Variants in SCARA3 observed in about 807,000 individuals in gnomAD.
The protein encoded by SCARA3 is cellular stress response gene protein.
In SCARA3, 39 loss-of-function variants were observed where a neutral mutation model predicts 47.0. The observed-to-expected ratio is 0.83, with a 90% CI of 0.64 to 1.08. The LOEUF is 1.08. Ranked by LOEUF, SCARA3 falls within the 50% of genes least tolerant of loss-of-function variation. SCARA3 has a pLI of 0.00. For missense variants in SCARA3, 724 were observed against 792.3 expected (o/e 0.91, Z 1.04); for synonymous variants, 356 against 334.1 (o/e 1.07, Z -0.71).
the SCARA3 span, among the ~76,000 whole-genome samples, chr8:27,686,854 C>T: frequency 6.6e-5 from 10 of 152,134 alleles, no homozygotes; most frequent in African/African-American, 1.7e-4. Context: ...CGTAGGTAAA[C>T]GTGTGCCATG....
At chr8:27,640,419 C>T (rs1801357782) in intron 1 of SCARA3, among the ~76,000 whole-genome samples, 1 of 152,114 alleles carries the variant, frequency 6.6e-6, no homozygotes, top group Non-Finnish European at 1.5e-5. Flanking sequence ...CATAGTCTCA[C>T]TCTGTGCCCA....
chr8:27,682,153 A>G, the SCARA3 span, among the ~76,000 whole-genome samples: 1 of 152,210 alleles, frequency 6.6e-6, no homozygotes, highest in Non-Finnish European at 1.5e-5. Context: ...GCATTTTTAC[A>G]AAGGCACCAG....
At chr8:27,717,288 G>T in the SCARA3 span, among the ~76,000 whole-genome samples, 12 of 152,246 alleles carry the variant, frequency 7.9e-5, no homozygotes, top group South Asian at 2.5e-3. Context: ...ACAGATGTGG[G>T]TATAGCTATA....
At chr8:27,686,488 G>A in the SCARA3 span, among the ~76,000 whole-genome samples, 1 of 151,874 alleles carries the variant, frequency 6.6e-6, no homozygotes, top group African/African-American at 2.4e-5. Flanking sequence ...AAACTTTAAA[G>A]ACAAAAAATA....
At chr8:27,666,596 G>C (rs1802019918) in intron 5 of SCARA3, among the ~76,000 whole-genome samples, 1 of 152,198 alleles carries the variant, frequency 6.6e-6, no homozygotes, top group Non-Finnish European at 1.5e-5. Flanking sequence ...ATGACAGCTG[G>C]GTCTCAAACA....
At chr8:27,670,558 G>A (rs575840442) in intron 5 of SCARA3, among the ~76,000 whole-genome samples, 2 of 152,310 alleles carry the variant, frequency 1.3e-5, no homozygotes, top group East Asian at 3.9e-4. Flanking sequence ...TGGGGTGGGG[G>A]TGAATACAGT....
intron 5 of SCARA3, among the ~76,000 whole-genome samples, chr8:27,667,492 G>A (rs1353428444): frequency 6.6e-6 from 1 of 152,238 alleles, no homozygotes; most frequent in African/African-American, 2.4e-5. Flanking sequence ...AGTGGCACAG[G>A]AGCCAAGGTA....
At chr8:27,660,442 G>T (rs1801871172) in intron 5 of SCARA3, among the ~76,000 whole-genome samples, 1 of 151,870 alleles carries the variant, frequency 6.6e-6, no homozygotes, top group Non-Finnish European at 1.5e-5. Flanking sequence ...TTGATCCAGA[G>T]AAACAGAATC....
downstream of SCARA3, among the ~76,000 whole-genome samples, chr8:27,678,553 A>G (rs1223246895): frequency 6.6e-6 from 1 of 152,202 alleles, no homozygotes; most frequent in Non-Finnish European, 1.5e-5. Flanking sequence ...AAGCCTTCCC[A>G]CAAAACAACT....
At chr8:27,717,745 A>G in the SCARA3 span, among the ~76,000 whole-genome samples, 6 of 152,162 alleles carry the variant, frequency 3.9e-5, no homozygotes, top group African/African-American at 1.4e-4. Flanking sequence ...AGATCGCACC[A>G]CTGCACTCCA....
At chr8:27,716,994 T>C in the SCARA3 span, among the ~76,000 whole-genome samples, 2 of 152,128 alleles carry the variant, frequency 1.3e-5, no homozygotes, top group Non-Finnish European at 2.9e-5. Flanking sequence ...CAGAAAATAG[T>C]GCAAGAATCT....
At chr8:27,655,801 G>T (rs1006003018) in intron 3 of SCARA3, among the ~76,000 whole-genome samples, 10 of 152,166 alleles carry the variant, frequency 6.6e-5, no homozygotes, top group African/African-American at 2.4e-4. Flanking sequence ...AGAGTGCCAT[G>T]CAGATACCAA....
chr8:27,647,032 T>C (rs1375340087), intron 1 of SCARA3, among the ~76,000 whole-genome samples: 1 of 124,228 alleles, frequency 8.0e-6, no homozygotes, highest in African/African-American at 3.1e-5. Flanking sequence ...GAATCTCCTA[T>C]TGTGGAGAGG....
chr8:27,692,720 C>T, the SCARA3 span, among the ~76,000 whole-genome samples: 1 of 152,130 alleles, frequency 6.6e-6, no homozygotes, highest in South Asian at 2.1e-4. Context: ...TGCCTGGAAG[C>T]TTCACCTACA....
At chr8:27,647,876 C>T (rs1045309262) in intron 1 of SCARA3, among the ~76,000 whole-genome samples, 3 of 152,322 alleles carry the variant, frequency 2.0e-5, no homozygotes, top group South Asian at 2.1e-4. Context: ...TTACCAACAG[C>T]GCCTTGCCAA....
intron 1 of SCARA3, among the ~76,000 whole-genome samples, chr8:27,648,876 G>T (rs1251783708): frequency 2.7e-5 from 4 of 148,562 alleles, no homozygotes; most frequent in African/African-American, 9.8e-5. Flanking sequence ...AGTAGGGAAG[G>T]AAGGAAAGGA....
rs33930667 is a variant in SCARA3, at chr8:27,659,144, T to C, written c.974T>C (p.Met325Thr). Residue 325 changes from methionine (M) to threonine (T), a missense_variant, in exon 5 of 6, where the codon ATG becomes ACG. Physicochemically the swap from Met to Thr is moderately conservative, Grantham distance 81 (BLOSUM62 -1). Transcript: ENST00000301904. ...TTCCTGGATGACCACGAAGAGAACA[T>C]GCATGATCTTCAGTACCATACCCAC... is the stretch of plus-strand genomic sequence containing the variant. ...SSFLDDHEEN[M>T]HDLQYHTHYA... is the part of the protein sequence containing the mutation. 74 of 1,614,034 alleles carry C rather than the reference T, an allele frequency of 4.6e-5. No homozygotes were observed. In the African/African-American group the frequency reaches 8.5e-4, roughly 19 times the overall value.
chr8:27,687,398 T>C, the SCARA3 span, among the ~76,000 whole-genome samples: 1 of 152,170 alleles, frequency 6.6e-6, no homozygotes, highest in South Asian at 2.1e-4. Flanking sequence ...TCCTCAATCT[T>C]GCAGGATATT....
rs970412550 is a variant in SCARA3, at chr8:27,670,986, C to A, written c.1456C>A (p.Pro486Thr). ...PVGGRGPKGD[P>T]GSLGPLGPQG... ...TGGCGGCAGAGGCCCGAAAGGAGACCCCGGCAGCTTGGGCCCCCTGGGACC... is the reference window on the plus strand; with the variant it reads ...TGGCGGCAGAGGCCCGAAAGGAGACACCGGCAGCTTGGGCCCCCTGGGACC... Residue 486 changes from proline (P) to threonine (T), a missense_variant, in exon 6 of 6, where the codon CCC (proline) becomes ACC (threonine). Pro to Thr is a conservative substitution (Grantham distance 38, BLOSUM62 -1). Coordinates refer to ENST00000301904, the MANE Select transcript of SCARA3 (RefSeq NM_016240.3). 8.7e-6 allele frequency: 14 copies of A among 1,608,208 alleles called. No individual in the cohort carries two copies. Among genetic ancestry groups the A allele is most frequent in the Non-Finnish European group, 1.2e-5 (14 of 1,178,438 alleles).
Sources: allele counts gnomAD v4.1 joint callset (sites outside exome capture counted in the v4.1 genomes callset), GRCh38; gene constraint gnomAD v4.1.1; transcripts MANE v1.5; gene names NCBI Gene and HGNC (gene_info 2026-07-23, HGNC 2026-07-21).